RPS6KA3: variants seen among roughly 807,000 people sequenced by gnomAD.
RPS6KA3 encodes the protein ribosomal protein S6 kinase A3.
A neutral mutation model predicts 67.2 loss-of-function variants in RPS6KA3; 4 were observed. That is an observed-to-expected ratio of 0.06 (90% confidence interval 0.03 to 0.14). The LOEUF (loss-of-function observed/expected upper bound fraction) is 0.14. Among genes scored for constraint, RPS6KA3 ranks in the 10% least tolerant of loss-of-function variants. RPS6KA3 has a pLI of 1.00. For missense variants in RPS6KA3, 204 were observed against 559.0 expected, an observed-to-expected ratio of 0.36 and a Z score of 6.40; for synonymous variants, 182 against 183.7, an observed-to-expected ratio of 0.99 and a Z score of 0.07.
intron 2 of RPS6KA3, among the ~76,000 whole-genome samples, chrX:20,212,007 G>T (rs1225519581): frequency 9.0e-6 from 1 of 111,537 alleles, no homozygotes; most frequent in Non-Finnish European, 1.9e-5. Flanking sequence ...CACAAATAAA[G>T]ATGCAACACA....
chrX:20,188,232 C>T (rs759022650), intron 8 of RPS6KA3, among the ~76,000 whole-genome samples: 1 of 110,698 alleles, frequency 9.0e-6, no homozygotes, highest in Non-Finnish European at 1.9e-5. Context: ...CACCACCATG[C>T]CCAGCTCATT....
chrX:20,242,296 T>C (rs1392869033), intron 1 of RPS6KA3, among the ~76,000 whole-genome samples: 1 of 111,853 alleles, frequency 8.9e-6, no homozygotes, highest in East Asian at 2.8e-4. Flanking sequence ...TAAATACAAA[T>C]TTTGGAATGT....
At chrX:20,211,525 G>T (rs768392775) in intron 2 of RPS6KA3, among the ~76,000 whole-genome samples, 215 of 103,532 alleles carry the variant, frequency 2.1e-3, no homozygotes, top group African/African-American at 7.5e-3. Flanking sequence ...CTTTTTGGTA[G>T]CACATCCTTA....
At chrX:20,252,069 C>T (rs1387843839) in intron 1 of RPS6KA3, among the ~76,000 whole-genome samples, 1 of 112,073 alleles carries the variant, frequency 8.9e-6, no homozygotes, top group Non-Finnish European at 1.9e-5. Context: ...GTTATTCTTT[C>T]CTATCATCTC....
chrX:20,156,274 C>G, intron 20 of RPS6KA3, 25 bp from the exon 21 acceptor site: 1 of 1,202,561 alleles, frequency 8.3e-7, no homozygotes, highest in South Asian at 1.8e-5. Flanking sequence ...ATAAAACAAG[C>G]TTAAACCTTT....
At chrX:20,227,347 C>T (rs765806096) in intron 2 of RPS6KA3, among the ~76,000 whole-genome samples, 2 of 111,604 alleles carry the variant, frequency 1.8e-5, no homozygotes, top group Non-Finnish European at 1.9e-5. Flanking sequence ...GTTAATAACC[C>T]TCTAGTGTTG....
intron 2 of RPS6KA3, among the ~76,000 whole-genome samples, chrX:20,218,598 A>C (rs1340133076): frequency 8.9e-6 from 1 of 112,169 alleles, no homozygotes; most frequent in Non-Finnish European, 1.9e-5. Flanking sequence ...AGTTGACAAA[A>C]TATACAGAGT....
chrX:20,196,854 T>A (rs2068285587), intron 4 of RPS6KA3, among the ~76,000 whole-genome samples: 1 of 112,071 alleles, frequency 8.9e-6, no homozygotes, highest in Non-Finnish European at 1.9e-5. Flanking sequence ...ATGCCCCCTT[T>A]TTTTTGAGAT....
rs535114481 is a variant in RPS6KA3, at chrX:20,255,386, T to C, written c.69+11178A>G. ...AATTTCTTTTTGGGGGTGATGAAAA[T>C]GTTCTAGGAAATAGATAGTGGTGAT... is the stretch of plus-strand genomic sequence containing the variant. On this transcript the variant is annotated intron_variant, in intron 1 of 21. Transcript: ENST00000379565. Among the ~76,000 whole-genome samples, 3 of 111,341 alleles carry C rather than the reference T, an allele frequency of 2.7e-5. No individual in the cohort carries two copies. In the South Asian group the frequency reaches 1.1e-3, roughly 41 times the overall value.
At chrX:20,194,923 G>A in intron 5 of RPS6KA3, 142 bp downstream of exon 5, 1 of 351,930 alleles carries the variant, frequency 2.8e-6, no homozygotes, top group Non-Finnish European at 5.0e-6. Flanking sequence ...AAGAAATAAT[G>A]GCTTAATTTT....
At chrX:20,220,139 G>A (rs1448876153) in intron 2 of RPS6KA3, among the ~76,000 whole-genome samples, 2 of 110,269 alleles carry the variant, frequency 1.8e-5, no homozygotes, top group African/African-American at 6.6e-5. Context: ...GAAAAGCCAG[G>A]GCTCTTCCTC....
intron 2 of RPS6KA3, among the ~76,000 whole-genome samples, chrX:20,225,359 C>G (rs2069094593): frequency 9.3e-6 from 1 of 107,368 alleles, no homozygotes; most frequent in Non-Finnish European, 1.9e-5. Flanking sequence ...AAACCTTTGC[C>G]TGTGCTTGGA....
At chrX:20,202,936 T>C (rs2068477538) in intron 4 of RPS6KA3, among the ~76,000 whole-genome samples, 1 of 111,217 alleles carries the variant, frequency 9.0e-6, no homozygotes, top group Admixed American at 9.6e-5. Flanking sequence ...GGTAATGCCA[T>C]GGGGTAGGAC....
At chrX:20,174,265 G>A (rs1032075156) in intron 14 of RPS6KA3, among the ~76,000 whole-genome samples, 1 of 111,049 alleles carries the variant, frequency 9.0e-6, no homozygotes, top group African/African-American at 3.3e-5. Flanking sequence ...AAACAAACTC[G>A]GCATGAAAAA....
chrX:20,186,498 T>C (rs1194003920), intron 9 of RPS6KA3, 132 bp from the exon 10 acceptor site: 7 of 473,469 alleles, frequency 1.5e-5, no homozygotes, highest in Non-Finnish European at 2.6e-5. Context: ...ACAAGTGTTT[T>C]CTATTTCTAC....
Position 20,175,869 on chromosome X carries a change from G to T in RPS6KA3, c.1102+381C>A, listed in dbSNP as rs148855566. Among the ~76,000 whole-genome samples, 632 of 110,977 alleles carry T rather than the reference G, an allele frequency of 5.7e-3. 19 individuals are homozygous for T. Among genetic ancestry groups the T allele is most frequent in the Admixed American group, 0.05 (516 of 10,385 alleles). On this transcript the variant is annotated intron_variant, in intron 13 of 21. Transcript: ENST00000379565. Reference sequence around the variant, plus strand: ...TAGCTTAGAGAGTTATCCAGGAAAAGATTTTCTTTTTTTCTTTTTGAGACA... The same window carrying T: ...TAGCTTAGAGAGTTATCCAGGAAAATATTTTCTTTTTTTCTTTTTGAGACA...
chrX:20,209,876 C>A (rs929987601), intron 2 of RPS6KA3, among the ~76,000 whole-genome samples: 1 of 111,865 alleles, frequency 8.9e-6, no homozygotes, highest in Non-Finnish European at 1.9e-5. Flanking sequence ...GAAAAATATT[C>A]CAGGGTAAAC....
chrX:20,212,183 T>C (rs764278194), intron 2 of RPS6KA3, among the ~76,000 whole-genome samples: 1 of 111,632 alleles, frequency 9.0e-6, no homozygotes, highest in Non-Finnish European at 1.9e-5. Context: ...TTTCATCTCA[T>C]GTCAAATAAG....
intron 1 of RPS6KA3, among the ~76,000 whole-genome samples, chrX:20,251,278 C>T (rs1444341523): frequency 2.7e-5 from 3 of 112,126 alleles, no homozygotes; most frequent in Admixed American, 9.4e-5. Context: ...ATTACAGGCA[C>T]GTGCCACCAT....
Sources: gnomAD v4.1 joint callset for allele counts (sites outside exome capture counted in the v4.1 genomes callset) on GRCh38, gnomAD v4.1.1 for gene constraint, MANE v1.5 for transcripts, NCBI Gene and HGNC (gene_info 2026-07-23, HGNC 2026-07-21) for gene names.